The following POLN variants were observed in gnomAD, a reference collection of about 807,000 sequenced individuals.
POLN encodes the protein DNA polymerase nu.
In POLN, 108 loss-of-function variants were observed where a neutral mutation model predicts 113.5. That is an observed-to-expected ratio of 0.95 (90% CI 0.81 to 1.12). POLN has a LOEUF of 1.12. Among genes scored for constraint, POLN ranks in the 50% most tolerant of loss-of-function variants. The pLI, the probability that POLN is intolerant of heterozygous loss-of-function variation, is 0.00. For synonymous variants in POLN, 386 were observed against 391.5 expected (o/e 0.99, Z 0.17); for missense variants, 1,097 against 1,077.1 (o/e 1.02, Z -0.26).
At chr4:2,190,493 A>G (rs1577756348) in intron 7 of POLN, among the ~76,000 whole-genome samples, 1 of 150,106 alleles carries the variant, frequency 6.7e-6, no homozygotes, top group East Asian at 2.0e-4. Flanking sequence ...TTTTTTTACT[A>G]CAACTTCAAA....
intron 5 of POLN, among the ~76,000 whole-genome samples, chr4:2,201,305 G>GAAAAAAAAAAAAAA (rs1733709580): frequency 5.2e-5 from 3 of 58,106 alleles, no homozygotes; most frequent in African/African-American, 3.1e-4. Flanking sequence ...AAAAAAAAAC[G>GAAAAAAAAAAAAAA]AGGGGAGAAA....
At chr4:2,219,428 T>C (rs1734199036) in intron 3 of POLN, among the ~76,000 whole-genome samples, 1 of 152,158 alleles carries the variant, frequency 6.6e-6, no homozygotes, top group Non-Finnish European at 1.5e-5. Context: ...TGGCCTCTCC[T>C]TCAGTCAGTT....
intron 7 of POLN, among the ~76,000 whole-genome samples, chr4:2,183,333 C>T (rs7684651): frequency 0.25 from 37,515 of 152,048 alleles, 7,146 homozygotes; most frequent in African/African-American, 0.52. Context: ...AATATGTCCA[C>T]GCAAAGACCT....
intron 8 of POLN, 70 bp downstream of exon 8, chr4:2,179,237 TA>T: frequency 7.2e-7 from 1 of 1,397,256 alleles, no homozygotes; most frequent in South Asian, 1.3e-5. Context: ...AGGCTATCAA[TA>T]AAATAGAAAA....
Position 2,238,810 on chromosome 4 carries a change from CT to C in POLN, c.-13+2709del, listed in dbSNP as rs1414198686. 4 of 1,613,184 alleles carry C rather than the reference CT, an allele frequency of 2.5e-6. No individual in the cohort carries two copies. In the Admixed American group the frequency reaches 5.0e-5, roughly 20 times the overall value. On this transcript the variant is annotated intron_variant, in intron 2 of 25. Transcript: ENST00000511885. Reference sequence around the variant, plus strand: ...ATAACTGTAGAAGTTCAAATGATGCCTTTTGTTTTATTAATTGATTTAAAAC... The same window carrying C: ...ATAACTGTAGAAGTTCAAATGATGCCTTTGTTTTATTAATTGATTTAAAAC...
chr4:2,113,349 C>A (rs1482464068), intron 19 of POLN, among the ~76,000 whole-genome samples: 1 of 151,552 alleles, frequency 6.6e-6, no homozygotes, highest in African/African-American at 2.4e-5. Flanking sequence ...AACAAACCTG[C>A]ACATTGTGCA....
intron 3 of POLN, among the ~76,000 whole-genome samples, chr4:2,223,381 A>C (rs1734308028): frequency 6.6e-6 from 1 of 152,172 alleles, no homozygotes; most frequent in Non-Finnish European, 1.5e-5. Flanking sequence ...CAGCAGCATT[A>C]GATTCTCATA....
intron 11 of POLN, among the ~76,000 whole-genome samples, chr4:2,173,142 T>G (rs527557070): frequency 6.6e-6 from 1 of 152,132 alleles, no homozygotes; most frequent in South Asian, 2.1e-4. Flanking sequence ...AAAGTCAGGG[T>G]TGCAGTTACT....
At chr4:2,094,314 G>T (rs971382441) in intron 20 of POLN, among the ~76,000 whole-genome samples, 3 of 129,606 alleles carry the variant, frequency 2.3e-5, no homozygotes, top group African/African-American at 8.7e-5. Context: ...AGTGAGCCGA[G>T]ATTGTGCCAC....
At chr4:2,095,195 G>T (rs1730756256) in intron 20 of POLN, among the ~76,000 whole-genome samples, 1 of 151,986 alleles carries the variant, frequency 6.6e-6, no homozygotes, top group Non-Finnish European at 1.5e-5. Context: ...CTAGGGGGTA[G>T]GGGGAAGGAG....
At chr4:2,089,632 G>C in intron 20 of POLN, 2 of 870,934 alleles carry the variant, frequency 2.3e-6, no homozygotes, top group Non-Finnish European at 3.5e-6. Flanking sequence ...CAACAAGCTA[G>C]TTAAGCACAA....
intron 19 of POLN, among the ~76,000 whole-genome samples, chr4:2,123,296 C>T (rs940875727): frequency 6.6e-6 from 1 of 151,864 alleles, no homozygotes; most frequent in African/African-American, 2.4e-5. Flanking sequence ...TTGAGACCAG[C>T]CTGGCCAACA....
intron 16 of POLN, among the ~76,000 whole-genome samples, chr4:2,144,287 G>A (rs1732080069): frequency 2.0e-5 from 3 of 151,638 alleles, no homozygotes; most frequent in Non-Finnish European, 4.4e-5. Flanking sequence ...TGGGACTACA[G>A]GCACGTGCCA....
At chr4:2,113,661 C>T (rs1731250713) in intron 19 of POLN, among the ~76,000 whole-genome samples, 1 of 151,210 alleles carries the variant, frequency 6.6e-6, no homozygotes, top group Admixed American at 6.6e-5. Flanking sequence ...AGTTTGAGGC[C>T]AGCCTGGCCA....
At chr4:2,164,523 C>G (rs1272528382) in intron 13 of POLN, among the ~76,000 whole-genome samples, 3 of 137,678 alleles carry the variant, frequency 2.2e-5, no homozygotes, top group Non-Finnish European at 4.6e-5. Flanking sequence ...AAAAAAAAGG[C>G]TGGGTGTGGT....
intron 3 of POLN, among the ~76,000 whole-genome samples, chr4:2,216,820 G>T (rs1734124524): frequency 6.6e-6 from 1 of 152,214 alleles, no homozygotes; most frequent in African/African-American, 2.4e-5. Context: ...TCAGTGTTTG[G>T]TCTCTGTTGC....
At position 2,072,928 on chromosome 4, in the gene POLN, T is replaced by A. The variant is rs775968780; in HGVS notation, c.2517+40A>T. 5 of 1,606,312 alleles carry A rather than the reference T, an allele frequency of 3.1e-6. No individual in the cohort carries two copies. The African/African-American group carries it at 5.3e-5, about 17-fold the overall frequency. On this transcript the variant is annotated intron_variant, in intron 25 of 25. Coordinates refer to ENST00000511885, the MANE Select transcript of POLN (RefSeq NM_181808.4). ...TGGGGGTGCTGGCCTCCCCTCACCC[T>A]GGGCTCCGGAAGACCGGGCAGGCTT...
At chr4:2,202,754 CAGTA>C (rs1215483251) in intron 5 of POLN, among the ~76,000 whole-genome samples, 1 of 128,576 alleles carries the variant, frequency 7.8e-6, no homozygotes, top group Non-Finnish European at 1.6e-5. Context: ...AAAAGACAAA[CAGTA>C]AGATGATATA....
chr4:2,077,326 T>C (rs537311062), intron 23 of POLN, among the ~76,000 whole-genome samples: 47 of 152,370 alleles, frequency 3.1e-4, no homozygotes, highest in African/African-American at 1.1e-3. Flanking sequence ...TCTGAGCTGC[T>C]GTAGCTTGGG....
Sources: gnomAD v4.1 joint callset for allele counts (sites outside exome capture counted in the v4.1 genomes callset) on GRCh38, gnomAD v4.1.1 for gene constraint, MANE v1.5 for transcripts, NCBI Gene and HGNC (gene_info 2026-07-23, HGNC 2026-07-21) for gene names.